VSTM4: variants seen among roughly 807,000 people sequenced by gnomAD.
The protein encoded by VSTM4 is V-set and transmembrane domain-containing protein 4.
A neutral mutation model predicts 36.4 loss-of-function variants in VSTM4; 20 were observed. The observed-to-expected ratio is 0.55, with a 90% confidence interval of 0.39 to 0.80. VSTM4 has a LOEUF of 0.80. Among genes scored for constraint, VSTM4 ranks in the 30% least tolerant of loss-of-function variants. VSTM4 has a pLI of 0.00. For synonymous variants in VSTM4, 182 were observed against 173.9 expected (o/e 1.05, Z -0.37); for missense variants, 392 against 404.5 (o/e 0.97, Z 0.26).
intron 2 of VSTM4, among the ~76,000 whole-genome samples, chr10:49,100,061 G>A (rs1275033869): frequency 6.6e-6 from 1 of 152,128 alleles, no homozygotes; most frequent in Non-Finnish European, 1.5e-5. Flanking sequence ...AAAAGAAAAG[G>A]AAAGATGCCT....
Position 49,069,916 on chromosome 10 carries a change from G to A in VSTM4, c.635-5180C>T, listed in dbSNP as rs75782964. Among the ~76,000 whole-genome samples, 798 of 152,246 alleles carry A rather than the reference G, an allele frequency of 5.2e-3. 1 individual carries two copies. Among genetic ancestry groups the A allele is most frequent in the Non-Finnish European group, 8.7e-3 (594 of 68,014 alleles). ...TGAATCCAAAATGAGATGTGCTGGA[G>A]TGTGAGATCACACCAGATGATAAAG... On this transcript the variant is annotated intron_variant, in intron 4 of 7. Transcript: ENST00000332853.
chr10:49,049,194 G>A (rs1318065381), intron 5 of VSTM4, among the ~76,000 whole-genome samples: 1 of 152,176 alleles, frequency 6.6e-6, no homozygotes, highest in East Asian at 1.9e-4. Flanking sequence ...CTTGAGGAGC[G>A]CTGGGAGTGT....
At chr10:49,064,582 T>C (rs1225748333) in intron 5 of VSTM4, 121 bp downstream of exon 5, 9 of 1,184,878 alleles carry the variant, frequency 7.6e-6, no homozygotes, top group Admixed American at 6.3e-5. Context: ...TGCAGGCATA[T>C]TTGTGGACAA....
chr10:49,038,111 T>C (rs1328039503), intron 7 of VSTM4, among the ~76,000 whole-genome samples: 2 of 152,194 alleles, frequency 1.3e-5, no homozygotes, highest in Non-Finnish European at 2.9e-5. Context: ...CTTCTGGGTA[T>C]ATAACCAAAA....
At chr10:49,040,737 G>T (rs546060179) in intron 7 of VSTM4, among the ~76,000 whole-genome samples, 3 of 152,202 alleles carry the variant, frequency 2.0e-5, no homozygotes, top group Non-Finnish European at 4.4e-5. Context: ...CAGACATAAA[G>T]ATACGTGCTT....
At position 49,070,252 on chromosome 10, in the gene VSTM4, CAAAAAAAAAAA is replaced by C. The variant is rs780515012; in HGVS notation, c.635-5527_635-5517del. Among the ~76,000 whole-genome samples, 6 of 21,718 alleles carry C rather than the reference CAAAAAAAAAAA, an allele frequency of 2.8e-4. 2 individuals carry two copies. Among genetic ancestry groups the C allele is most frequent in the African/African-American group, 5.0e-4 (2 of 4,024 alleles). 14.2% of individuals were successfully genotyped at this position (21,718 alleles called of 152,430 possible). A position where few individuals can be genotyped will look rare whatever the true frequency, so the allele number is the denominator to read the frequency against. ...TGGGCGACAGAGCGAGACTCCGTCT[CAAAAAAAAAAA>C]AAAAAAAAAAAAAAAAGAAATATGA... On this transcript the variant is annotated intron_variant, in intron 4 of 7. Coordinates refer to ENST00000332853, the MANE Select transcript of VSTM4 (RefSeq NM_001031746.5).
rs1426305427 is a variant in VSTM4, at chr10:49,108,755, G to A, written c.56-760C>T. On this transcript the variant is annotated intron_variant, in intron 1 of 7. Coordinates refer to ENST00000332853, the MANE Select transcript of VSTM4 (RefSeq NM_001031746.5). ...TTCCAGGCCCCATCCACAACTTCCT[G>A]TCCTTTGGTTCCTTAGTTAAAACCA... is the stretch of plus-strand genomic sequence containing the variant. Among the ~76,000 whole-genome samples, 6 of 152,148 alleles carry A rather than the reference G, an allele frequency of 3.9e-5. 1 individual carries two copies. Among genetic ancestry groups the A allele is most frequent in the Non-Finnish European group, 7.4e-5 (5 of 68,026 alleles).
intron 2 of VSTM4, among the ~76,000 whole-genome samples, chr10:49,090,185 G>C (rs1197015997): frequency 6.6e-6 from 1 of 152,222 alleles, no homozygotes; most frequent in African/African-American, 2.4e-5. Context: ...GAGCATTTTT[G>C]TAACAGTTTC....
chr10:49,103,465 C>T lies in VSTM4; in HGVS notation c.457+4129G>A, dbSNP rs572858477. On this transcript the variant is annotated intron_variant, in intron 2 of 7. Coordinates refer to ENST00000332853, the MANE Select transcript of VSTM4 (RefSeq NM_001031746.5). The stretch of plus-strand genomic sequence containing the variant: ...AGTCATTTTTATTTTCTTCTTTAAA[C>T]CCTTTCAGTATTTTTCCATGTTTTC... 3.9e-6 allele frequency: 4 copies of T among 1,014,602 alleles called. No homozygotes were observed. The African/African-American group carries it at 5.1e-5, about 13-fold the overall frequency. 62.8% of individuals were successfully genotyped at this position (1,014,602 alleles called of 1,614,324 possible).
chr10:49,070,468 T>C (rs1236833083), intron 4 of VSTM4, among the ~76,000 whole-genome samples: 2 of 151,826 alleles, frequency 1.3e-5, no homozygotes, highest in African/African-American at 2.4e-5. Context: ...GGGGGCATCA[T>C]GAAAAGGGCC....
intron 2 of VSTM4, chr10:49,103,779 G>A: frequency 1.9e-6 from 3 of 1,614,148 alleles, no homozygotes; most frequent in Non-Finnish European, 2.5e-6. Context: ...GGTTAAGTCT[G>A]CGGTGAAGGG....
rs1337544401 is a variant in VSTM4, at chr10:49,015,670, CCTCA to C, written c.*3976_*3979del. 6.6e-6 allele frequency: 1 copy of C among 152,188 alleles called. No individual in the cohort carries two copies. Among genetic ancestry groups the C allele is most frequent in the Non-Finnish European group, 1.5e-5 (1 of 68,070 alleles). 9.4% of individuals were successfully genotyped at this position (152,188 alleles called of 1,614,324 possible). Reference sequence around the variant, plus strand: ...GGTCAATGTCCCCGCCATGTGGCTGCCTCACTTTTTAATGGGCTCCAAATGACAC... The same window carrying C: ...GGTCAATGTCCCCGCCATGTGGCTGCCTTTTTAATGGGCTCCAAATGACAC... On this transcript the variant is annotated 3_prime_UTR_variant, in exon 8 of 8. Transcript: ENST00000332853.
At chr10:49,031,827 G>A (rs138751938) in intron 7 of VSTM4, among the ~76,000 whole-genome samples, 79 of 152,056 alleles carry the variant, frequency 5.2e-4, no homozygotes, top group African/African-American at 1.8e-3. Context: ...TGCTCCACAC[G>A]TCCCTCTTGC....
At chr10:49,075,269 C>A (rs946052126) in intron 4 of VSTM4, among the ~76,000 whole-genome samples, 11 of 152,200 alleles carry the variant, frequency 7.2e-5, no homozygotes, top group African/African-American at 2.7e-4. Context: ...CTAGCAGGGC[C>A]TGCAGCCAGT....
At chr10:49,058,013 G>A (rs1843811580) in intron 5 of VSTM4, among the ~76,000 whole-genome samples, 1 of 152,116 alleles carries the variant, frequency 6.6e-6, no homozygotes, top group Admixed American at 6.5e-5. Flanking sequence ...TGTTCATTTT[G>A]GTGAGGTTTG....
rs1280416557 is a variant in VSTM4 at position 49,016,921 on chromosome 10, C to G, written c.*2729G>C. 1 of 152,404 alleles carries G rather than the reference C, an allele frequency of 6.6e-6. No individual in the cohort carries two copies. Among genetic ancestry groups the G allele is most frequent in the Admixed American group, 6.5e-5 (1 of 15,290 alleles). The allele number at this position is 152,404 out of a possible 1,614,324, so 9.4% of individuals were successfully genotyped here. ...ACCATGCCAAGGCCAAAACTCACCA[C>G]CAAATCTGAGAGCATCTGCTGTCTG... is the stretch of plus-strand genomic sequence containing the variant. On this transcript the variant is annotated 3_prime_UTR_variant, in exon 8 of 8. Coordinates refer to ENST00000332853, the MANE Select transcript of VSTM4 (RefSeq NM_001031746.5).
chr10:49,022,167 A>T (rs929791789), intron 7 of VSTM4, among the ~76,000 whole-genome samples: 1 of 152,124 alleles, frequency 6.6e-6, no homozygotes, highest in Non-Finnish European at 1.5e-5. Context: ...ACCCATAATT[A>T]AAAAAATAAA....
chr10:49,031,574 C>T (rs1013686914), intron 7 of VSTM4, among the ~76,000 whole-genome samples: 4 of 152,210 alleles, frequency 2.6e-5, no homozygotes, highest in South Asian at 2.1e-4. Flanking sequence ...ATGTGCTAAA[C>T]GCTAATGAAC....
intron 3 of VSTM4, among the ~76,000 whole-genome samples, chr10:49,078,483 C>T (rs1590112190): frequency 6.6e-6 from 1 of 150,822 alleles, no homozygotes; most frequent in East Asian, 1.9e-4. Context: ...TATCGACACA[C>T]ACACCAACCT....
Sources: gnomAD v4.1 joint callset for allele counts (sites outside exome capture counted in the v4.1 genomes callset) on GRCh38, gnomAD v4.1.1 for gene constraint, MANE v1.5 for transcripts, NCBI Gene and HGNC (gene_info 2026-07-23, HGNC 2026-07-21) for gene names.